NLGN4Y: variants seen among roughly 807,000 people sequenced by gnomAD.
NLGN4Y encodes the protein neuroligin 4 Y-linked.
NLGN4Y carries 4 observed loss-of-function variants against 8.4 expected under a neutral mutation model. The ratio of observed to expected loss-of-function variants is 0.48; its 90% CI spans 0.23 to 1.09. The LOEUF (loss-of-function observed/expected upper bound fraction) is 1.09. NLGN4Y is among the 50% of genes least tolerant of loss of function. The probability of loss-of-function intolerance (pLI) is 0.19; values close to 1 mark genes in which losing one functional copy is unlikely to be tolerated. For missense variants in NLGN4Y, 90 were observed against 192.3 expected (o/e 0.47, Z 3.15); for synonymous variants, 35 against 75.6 (o/e 0.46, Z 2.78).
intron 1 of NLGN4Y, among the ~76,000 whole-genome samples, chrY:14,586,309 G>A (rs775057891): frequency 5.2e-4 from 17 of 32,922 alleles, no homozygotes; most frequent in African/African-American, 2.0e-3. Context: ...CAGAGAGAGC[G>A]TCACACTGAA....
intron 6 of NLGN4Y, among the ~76,000 whole-genome samples, chrY:14,836,920 C>G (rs2043199308): frequency 3.0e-5 from 1 of 33,892 alleles, no homozygotes; most frequent in South Asian, 6.5e-4. Flanking sequence ...AATGGAAAAT[C>G]AGATCAACAT....
intron 4 of NLGN4Y, among the ~76,000 whole-genome samples, chrY:14,819,472 T>A (rs2043115118): frequency 3.0e-5 from 1 of 33,220 alleles, no homozygotes; most frequent in Non-Finnish European, 7.4e-5. Flanking sequence ...TTATCTGCTT[T>A]AAATTGGAGA....
At chrY:14,735,618 G>A in intron 4 of NLGN4Y, among the ~76,000 whole-genome samples, 2 of 33,329 alleles carry the variant, frequency 6.0e-5, no homozygotes, top group South Asian at 1.4e-3. Flanking sequence ...GTGGGGTGCT[G>A]CTGTAAAGAT....
chrY:14,602,725 C>T (rs758130270), intron 1 of NLGN4Y, among the ~76,000 whole-genome samples: 1 of 33,348 alleles, frequency 3.0e-5, no homozygotes, highest in East Asian at 7.8e-4. Context: ...TCTGGATTGT[C>T]GTAACTTTTT....
chrY:14,807,677 T>C, intron 4 of NLGN4Y, among the ~76,000 whole-genome samples: 1 of 33,804 alleles, frequency 3.0e-5, no homozygotes, highest in East Asian at 7.8e-4. Context: ...ATAAATTTTA[T>C]AGTGTATGTA....
At chrY:14,785,557 G>T in intron 4 of NLGN4Y, among the ~76,000 whole-genome samples, 1 of 33,673 alleles carries the variant, frequency 3.0e-5, no homozygotes, top group Non-Finnish European at 7.4e-5. Flanking sequence ...GAGGTCAGGA[G>T]ATCGAGACCA....
intron 5 of NLGN4Y, among the ~76,000 whole-genome samples, chrY:14,828,273 ATATATATATGTGTGTGTG>A (rs2043156265): frequency 3.2e-5 from 1 of 31,109 alleles, no homozygotes; most frequent in Non-Finnish European, 7.7e-5. Flanking sequence ...GTGTGTGTGT[ATATATATATGTGTGTGTG>A]TATATATATG....
chrY:14,761,404 G>A (rs1007916911), intron 4 of NLGN4Y, among the ~76,000 whole-genome samples: 6 of 33,972 alleles, frequency 1.8e-4, no homozygotes, highest in Admixed American at 1.6e-3. Flanking sequence ...TGTATTGAAA[G>A]CATGTGCTTA....
intron 2 of NLGN4Y, among the ~76,000 whole-genome samples, chrY:14,663,621 C>A: frequency 3.1e-5 from 1 of 32,551 alleles, no homozygotes; most frequent in Non-Finnish European, 7.5e-5. Flanking sequence ...ACGAGCTTGA[C>A]TAACATGGTG....
intron 2 of NLGN4Y, among the ~76,000 whole-genome samples, chrY:14,674,216 CAAAAT>C (rs2080738913): frequency 1.8e-4 from 4 of 21,675 alleles, no homozygotes; most frequent in East Asian, 2.3e-3. Context: ...TTTAAAGCCA[CAAAAT>C]AAAATAAAAT....
chrY:14,586,647 G>A (rs2080342520), intron 1 of NLGN4Y, among the ~76,000 whole-genome samples: 1 of 31,774 alleles, frequency 3.1e-5, no homozygotes, highest in South Asian at 7.4e-4. Flanking sequence ...GGCCAACATG[G>A]TGAAGCCCCG....
intron 4 of NLGN4Y, among the ~76,000 whole-genome samples, chrY:14,814,108 T>C (rs2043092946): frequency 3.0e-5 from 1 of 33,078 alleles, no homozygotes; most frequent in Non-Finnish European, 7.4e-5. Context: ...TGGAATTGTG[T>C]CTGGAGTTTG....
At chrY:14,572,471 G>A (rs2080275831) in intron 1 of NLGN4Y, among the ~76,000 whole-genome samples, 1 of 31,267 alleles carries the variant, frequency 3.2e-5, no homozygotes, top group African/African-American at 1.3e-4. Flanking sequence ...TGCTGAAGTT[G>A]CCTATGAGTT....
intron 2 of NLGN4Y, among the ~76,000 whole-genome samples, chrY:14,630,912 A>C (rs763678258): frequency 6.1e-5 from 2 of 33,038 alleles, no homozygotes; most frequent in South Asian, 6.7e-4. Flanking sequence ...GCTCTAGTGC[A>C]GTGGCACAGA....
intron 2 of NLGN4Y, among the ~76,000 whole-genome samples, chrY:14,663,145 C>T (rs748244425): frequency 6.0e-5 from 2 of 33,429 alleles, no homozygotes; most frequent in South Asian, 1.3e-3. Flanking sequence ...CTGTGCCTCG[C>T]TTATTTCTCT....
intron 2 of NLGN4Y, among the ~76,000 whole-genome samples, chrY:14,712,106 G>A (rs2150550550): frequency 2.4e-4 from 7 of 29,574 alleles, no homozygotes; most frequent in East Asian, 8.7e-4. Context: ...CATCTTATAC[G>A]TATTTCTATT....
chrY:14,639,848 T>C, intron 2 of NLGN4Y: 1 of 119,450 alleles, frequency 8.4e-6, no homozygotes, highest in Non-Finnish European at 1.7e-5. Context: ...ACCAAGCCTA[T>C]ATTTTACACA....
chrY:14,803,540 G>C, intron 4 of NLGN4Y, among the ~76,000 whole-genome samples: 1 of 32,088 alleles, frequency 3.1e-5, no homozygotes, highest in Non-Finnish European at 7.5e-5. Flanking sequence ...GATAATAATA[G>C]CATCTCACAT....
intron 4 of NLGN4Y, among the ~76,000 whole-genome samples, chrY:14,735,750 G>A: frequency 3.0e-5 from 1 of 33,301 alleles, no homozygotes; most frequent in Non-Finnish European, 7.4e-5. Flanking sequence ...GTTGAATGAC[G>A]TTGACCAAAA....
Sources: gnomAD v4.1 joint callset for allele counts (sites outside exome capture counted in the v4.1 genomes callset) on GRCh38, gnomAD v4.1.1 for gene constraint, MANE v1.5 for transcripts, NCBI Gene and HGNC (gene_info 2026-07-23, HGNC 2026-07-21) for gene names.